Variants in ASIC2 observed in about 807,000 individuals in gnomAD.
ASIC2 encodes the protein acid-sensing ion channel 2.
ASIC2 carries 25 observed loss-of-function variants against 57.3 expected under a neutral mutation model. The ratio of observed to expected loss-of-function variants is 0.44; its 90% CI spans 0.32 to 0.61. The LOEUF (loss-of-function observed/expected upper bound fraction) is 0.61, where lower values mean the gene tolerates loss of function less well. Ranked by LOEUF, ASIC2 falls within the 20% of genes least tolerant of loss-of-function variation. ASIC2 has a pLI of 0.06. For synonymous variants in ASIC2, 319 were observed against 307.5 expected (o/e 1.04, Z -0.39); for missense variants, 641 against 738.1 (o/e 0.87, Z 1.52).
At chr17:33,721,641 C>T (rs1044604844) in intron 1 of ASIC2, among the ~76,000 whole-genome samples, 1 of 152,224 alleles carries the variant, frequency 6.6e-6, no homozygotes, top group Admixed American at 6.5e-5. Context: ...CCTGTCTCAG[C>T]CTCCTGAGTA....
chr17:34,087,731 GTTCAT>G (rs1040119050), intron 1 of ASIC2, among the ~76,000 whole-genome samples: 155 of 151,978 alleles, frequency 1.0e-3, no homozygotes, highest in African/African-American at 3.4e-3. Flanking sequence ...TGGAGGCTTT[GTTCAT>G]TTCTTTTTAT....
At position 34,156,241 on chromosome 17, in the gene ASIC2, G is replaced by A. The variant is rs758581731; in HGVS notation, c.292C>T (p.Arg98Trp). The change falls in exon 1 of 10, where the codon CGG (arginine) becomes TGG (tryptophan). Residue 98 changes from arginine (R) to tryptophan (W), a missense_variant. Transcript: ENST00000359872. The surrounding 1 kb of genome is among the most constrained non-coding windows in gnomAD (Gnocchi z 4.4). ...TCATTGGTGGTGAGCCTGGAGAACC[G>A]GAAGCCATTCAGGTTACAGAGGGTC... 1.4e-5 allele frequency: 22 copies of A among 1,614,046 alleles called. No homozygotes were observed. Among genetic ancestry groups the A allele is most frequent in the Non-Finnish European group, 1.7e-5 (20 of 1,180,036 alleles).
intron 1 of ASIC2, among the ~76,000 whole-genome samples, chr17:33,754,832 C>A (rs891066179): frequency 6.6e-6 from 1 of 151,754 alleles, no homozygotes; most frequent in African/African-American, 2.4e-5. Context: ...GTGGCGGGCA[C>A]CTGTGGTCCC....
At chr17:33,519,600 G>A (rs1444011738) in intron 1 of ASIC2, among the ~76,000 whole-genome samples, 3 of 152,096 alleles carry the variant, frequency 2.0e-5, no homozygotes, top group Admixed American at 6.5e-5. Flanking sequence ...AGTGGGTCTC[G>A]GCTCACTGTC....
chr17:33,575,431 C>T (rs1916588302), intron 1 of ASIC2, among the ~76,000 whole-genome samples: 1 of 152,204 alleles, frequency 6.6e-6, no homozygotes, highest in Non-Finnish European at 1.5e-5. Context: ...GAATATTTCA[C>T]TACCTTTAGG....
At chr17:34,078,618 T>C (rs1909758746) in intron 1 of ASIC2, among the ~76,000 whole-genome samples, 2 of 152,182 alleles carry the variant, frequency 1.3e-5, no homozygotes, top group South Asian at 4.2e-4. Flanking sequence ...CATAAAGGGA[T>C]TGCCATAGAA....
intron 1 of ASIC2, among the ~76,000 whole-genome samples, chr17:33,130,305 C>T (rs1431500027): frequency 6.6e-6 from 1 of 152,170 alleles, no homozygotes. Flanking sequence ...TCCCCCTCCT[C>T]ATCTTCAGGT....
intron 1 of ASIC2, among the ~76,000 whole-genome samples, chr17:33,447,502 C>T (rs916055013): frequency 6.6e-6 from 1 of 152,120 alleles, no homozygotes; most frequent in African/African-American, 2.4e-5. Flanking sequence ...GGGGCTAGGC[C>T]TTCTCTAAGG....
chr17:34,109,973 A>AGAGAG (rs1298223311), intron 1 of ASIC2, among the ~76,000 whole-genome samples: 1 of 151,014 alleles, frequency 6.6e-6, no homozygotes, highest in African/African-American at 2.5e-5. Context: ...AAAGAGAGAG[A>AGAGAG]GAGAGATGAG....
rs549637149 is a variant in ASIC2 at position 33,204,726 on chromosome 17, T to C, written c.708+86682A>G. ...ATTCTAGCACATGTGTGTGTGCATG[T>C]GTGCATATGCGTGTGAACATGTACA... On this transcript the variant is annotated intron_variant, in intron 1 of 9. Coordinates refer to ENST00000225823, the MANE Select transcript of ASIC2 (RefSeq NM_183377.2). 8.0e-4 allele frequency among the ~76,000 whole-genome samples: 122 copies of C among 152,368 alleles called. 1 individual carries two copies. The highest frequency in any genetic ancestry group is 2.9e-3 in the African/African-American group (119 of 41,590).
intron 1 of ASIC2, among the ~76,000 whole-genome samples, chr17:33,630,373 T>C (rs1405828063): frequency 6.6e-6 from 1 of 152,158 alleles, no homozygotes; most frequent in African/African-American, 2.4e-5. Context: ...GACCACCTAC[T>C]CAGCTTTCAC....
In ASIC2 at chr17:33,278,757, A is replaced by AT. The variant is rs879469567; in HGVS notation, c.708+12650dup. Among the ~76,000 whole-genome samples, 69 of 147,908 alleles carry AT rather than the reference A, an allele frequency of 4.7e-4. No individual in the cohort carries two copies. The East Asian group carries it at 7.9e-3, about 17-fold the overall frequency. ...TGAACGAATGAATGAGTCCACATATATTTTTTTTTTTGGTGGAACTATCCT... is the reference window on the plus strand; with the variant it reads ...TGAACGAATGAATGAGTCCACATATATTTTTTTTTTTTGGTGGAACTATCCT... On this transcript the variant is annotated intron_variant, in intron 1 of 9. Transcript: ENST00000225823.
intron 1 of ASIC2, among the ~76,000 whole-genome samples, chr17:33,864,788 C>T (rs1031449072): frequency 1.3e-5 from 2 of 152,048 alleles, no homozygotes; most frequent in Non-Finnish European, 2.9e-5. Flanking sequence ...TAGTCATGGC[C>T]TACAAAACAG....
At chr17:33,438,112 G>C (rs1911692641) in intron 1 of ASIC2, among the ~76,000 whole-genome samples, 1 of 152,048 alleles carries the variant, frequency 6.6e-6, no homozygotes, top group East Asian at 1.9e-4. Flanking sequence ...TTTATGATGG[G>C]GGCTCCATAG....
Position 33,898,220 on chromosome 17 carries a change from C to CT in ASIC2, c.555+257757dup, listed in dbSNP as rs771624171. On this transcript the variant is annotated intron_variant, in intron 1 of 9. Transcript: ENST00000359872. Reference sequence around the variant, plus strand: ...AAACTGCCCAGAGTTCATGTATAATCTTTTTTTTTTTTTTTTTTTTTTTTT... The same window carrying CT: ...AAACTGCCCAGAGTTCATGTATAATCTTTTTTTTTTTTTTTTTTTTTTTTTT... Among the ~76,000 whole-genome samples the CT allele has an allele frequency of 6.9e-3, 454 of 66,162 alleles. 117 individuals carry two copies. Among genetic ancestry groups the CT allele is most frequent in the Admixed American group, 1.0e-2 (40 of 4,018 alleles). The allele number at this position is 66,162 out of a possible 152,430, so 43.4% of individuals were successfully genotyped here.
chr17:33,491,899 CA>C (rs11306371), intron 1 of ASIC2, among the ~76,000 whole-genome samples: 53,994 of 152,046 alleles, frequency 0.36, 9,912 homozygotes, highest in East Asian at 0.58. Flanking sequence ...GCTTAAATCT[CA>C]TGCCTTATAT....
chr17:34,000,873 T>G (rs1320243636), intron 1 of ASIC2: 1 of 152,146 alleles, frequency 6.6e-6, no homozygotes, highest in Non-Finnish European at 1.5e-5. Context: ...TTATGAACAT[T>G]TTTAGTTTAG....
chr17:33,291,572 G>A lies in ASIC2; in HGVS notation c.544C>T (p.Arg182Cys), dbSNP rs755713146. The change falls in exon 1 of 10, where the codon CGC (arginine) becomes TGC (cysteine). Residue 182 changes from arginine (R) to cysteine (C), a missense_variant. Arg to Cys is a radical substitution (Grantham distance 180). This residue lies in a region of ASIC2 where 382 missense variants were observed against 398.0 expected (regional missense o/e 0.96). Coordinates refer to ENST00000225823, the MANE Select transcript of ASIC2 (RefSeq NM_183377.2). ...SELLRGDEPRRQWFRKLADFR... is the reference protein window; with the variant it reads ...SELLRGDEPRCQWFRKLADFR... The stretch of plus-strand genomic sequence containing the variant: ...TCCGCCAGCTTGCGGAACCACTGGC[G>A]GCGCGGCTCGTCGCCCCGCAGCAGC... The A allele has an allele frequency of 1.2e-6, 2 of 1,610,300 alleles. No individual in the cohort carries two copies. The highest frequency in any genetic ancestry group is 2.2e-5 in the East Asian group (1 of 44,812).
At chr17:34,093,235 T>C (rs1320081161) in intron 1 of ASIC2, among the ~76,000 whole-genome samples, 2 of 152,172 alleles carry the variant, frequency 1.3e-5, no homozygotes, top group African/African-American at 4.8e-5. Flanking sequence ...TCCTTCACCT[T>C]TTCTAGCTCA....
Sources: allele counts gnomAD v4.1 joint callset (sites outside exome capture counted in the v4.1 genomes callset), GRCh38; gene constraint gnomAD v4.1.1; regional missense constraint gnomAD v4.1.1; non-coding constraint Gnocchi (gnomAD v3.1); transcripts MANE v1.5; gene names NCBI Gene and HGNC (gene_info 2026-07-23, HGNC 2026-07-21).